The following PRKN variants were observed in gnomAD, a reference collection of about 807,000 sequenced individuals.
PRKN encodes parkin RBR E3 ubiquitin protein ligase, also known as E3 ubiquitin-protein ligase parkin.
A neutral mutation model predicts 59.5 loss-of-function variants in PRKN; 56 were observed. That is an observed-to-expected ratio of 0.94 (90% confidence interval 0.76 to 1.18). The LOEUF (loss-of-function observed/expected upper bound fraction) is 1.18, where lower values mean the gene tolerates loss of function less well. PRKN is among the 50% of genes most tolerant of loss of function. The pLI is 0.00. For synonymous variants in PRKN, 250 were observed against 222.1 expected (o/e 1.13, Z -1.12); for missense variants, 657 against 596.4 (o/e 1.10, Z -1.06).
chr6:161,782,589 C>A (rs1270201316), intron 7 of PRKN, among the ~76,000 whole-genome samples: 2 of 152,026 alleles, frequency 1.3e-5, no homozygotes, highest in African/African-American at 4.8e-5. Flanking sequence ...TATGAAAACA[C>A]AATAAATTTA....
chr6:161,966,832 T>G (rs1052303713), intron 6 of PRKN, among the ~76,000 whole-genome samples: 1 of 152,184 alleles, frequency 6.6e-6, no homozygotes, highest in African/African-American at 2.4e-5. Flanking sequence ...ATATTTTGTT[T>G]GTTTGTTTGT....
intron 4 of PRKN, among the ~76,000 whole-genome samples, chr6:162,138,327 G>T (rs1470075497): frequency 2.0e-5 from 3 of 152,054 alleles, no homozygotes; most frequent in Non-Finnish European, 4.4e-5. Context: ...ATCATGGTGG[G>T]GCTAAATTAC....
At chr6:162,698,296 T>C (rs960295922) in intron 1 of PRKN, among the ~76,000 whole-genome samples, 2 of 61,650 alleles carry the variant, frequency 3.2e-5, no homozygotes, top group African/African-American at 5.2e-5. Flanking sequence ...ACCACTACAC[T>C]TCCCAACTTC....
chr6:162,050,001 T>C (rs1562483584), intron 5 of PRKN, among the ~76,000 whole-genome samples: 1 of 152,180 alleles, frequency 6.6e-6, no homozygotes, highest in Non-Finnish European at 1.5e-5. Context: ...CTTAGTACAT[T>C]TTGAATCCGT....
At chr6:161,944,084 CCAGCCTGAGGGATCAGCCTGAGGAAT>C (rs1779689714) in intron 6 of PRKN, among the ~76,000 whole-genome samples, 2 of 115,848 alleles carry the variant, frequency 1.7e-5, no homozygotes, top group African/African-American at 7.6e-5. Context: ...GCCTGAGGGA[CCAGCCTGAGGGATCAGCCTGAGGAAT>C]CAGCCTGAGG....
rs575866364 is a variant in PRKN, at chr6:162,309,811, G to T, written c.172-47046C>A. The stretch of plus-strand genomic sequence containing the variant: ...GCTGTACAGATTACTTCATCACCCA[G>T]GTATTAAGCCAAGTATCTATTAGTT... On this transcript the variant is annotated intron_variant, in intron 2 of 11. Transcript: ENST00000366898. Among the ~76,000 whole-genome samples the T allele has an allele frequency of 3.9e-5, 6 of 152,154 alleles. No individual in the cohort carries two copies. In the South Asian group the frequency reaches 1.2e-3, roughly 32 times the overall value.
intron 3 of PRKN, among the ~76,000 whole-genome samples, chr6:162,251,476 T>A (rs1300089178): frequency 6.6e-6 from 1 of 152,112 alleles, no homozygotes; most frequent in Non-Finnish European, 1.5e-5. Flanking sequence ...TGAGTTACAG[T>A]CTCCAAGCAG....
intron 1 of PRKN, among the ~76,000 whole-genome samples, chr6:162,579,821 T>C (rs185424479): frequency 2.6e-5 from 4 of 152,308 alleles, no homozygotes; most frequent in Non-Finnish European, 5.9e-5. Context: ...ATTGGGCTTA[T>C]ATTGTAACTA....
At chr6:161,754,849 C>A (rs753023349) in intron 7 of PRKN, among the ~76,000 whole-genome samples, 1 of 152,186 alleles carries the variant, frequency 6.6e-6, no homozygotes, top group Admixed American at 6.5e-5. Context: ...CATTTAGCCT[C>A]TTTAGTGTGT....
intron 1 of PRKN, among the ~76,000 whole-genome samples, chr6:162,688,231 G>A (rs532482012): frequency 6.6e-6 from 1 of 152,086 alleles, no homozygotes; most frequent in Admixed American, 6.5e-5. Flanking sequence ...TCTATATAAC[G>A]TTCAAGAACA....
At chr6:162,018,121 G>A (rs887244709) in intron 5 of PRKN, among the ~76,000 whole-genome samples, 2 of 152,144 alleles carry the variant, frequency 1.3e-5, no homozygotes, top group Non-Finnish European at 2.9e-5. Context: ...CCACCTCCTG[G>A]GTTCACGCCA....
chr6:162,547,757 T>C (rs1373991424), intron 1 of PRKN, among the ~76,000 whole-genome samples: 1 of 151,990 alleles, frequency 6.6e-6, no homozygotes. Context: ...ATTTTTGTAT[T>C]TTTAGTAGAG....
chr6:161,741,879 A>T (rs1019129933), intron 7 of PRKN, among the ~76,000 whole-genome samples: 6 of 152,284 alleles, frequency 3.9e-5, no homozygotes, highest in Non-Finnish European at 7.4e-5. Flanking sequence ...TAATTGAATC[A>T]TGGGGGTGGT....
At chr6:161,901,119 T>C (rs1039851026) in intron 6 of PRKN, among the ~76,000 whole-genome samples, 35 of 151,894 alleles carry the variant, frequency 2.3e-4, no homozygotes, top group Non-Finnish European at 8.8e-5. Context: ...GGTTTTGCCA[T>C]GTTAGCCAGG....
At chr6:162,235,994 AAAGAAAG>A (rs1778685580) in intron 3 of PRKN, among the ~76,000 whole-genome samples, 1 of 130,918 alleles carries the variant, frequency 7.6e-6, no homozygotes, top group African/African-American at 3.0e-5. Flanking sequence ...AGAAAGAAAG[AAAGAAAG>A]AAAGAAAGAA....
At chr6:161,492,714 G>C (rs751490005) in intron 9 of PRKN, among the ~76,000 whole-genome samples, 24 of 152,216 alleles carry the variant, frequency 1.6e-4, no homozygotes, top group Non-Finnish European at 2.5e-4. Flanking sequence ...CTTCTTGCTA[G>C]CATGGAAAGT....
Position 161,432,708 on chromosome 6 carries a change from C to CT in PRKN, c.1084-45832dup, listed in dbSNP as rs368214369. ...CTGATTTTAGCTATTGGTGTGAAGA[C>CT]TGAGTTTGTTAAATATTTTACCTTT... On this transcript the variant is annotated intron_variant, in intron 9 of 11. Coordinates refer to ENST00000366898, the MANE Select transcript of PRKN (RefSeq NM_004562.3). Among the ~76,000 whole-genome samples the CT allele has an allele frequency of 1.0e-3, 159 of 151,904 alleles. 2 individuals are homozygous for CT. Among genetic ancestry groups the CT allele is most frequent in the African/African-American group, 3.7e-3 (153 of 41,382 alleles).
intron 6 of PRKN, among the ~76,000 whole-genome samples, chr6:161,963,597 C>A (rs549874199): frequency 1.3e-5 from 2 of 152,340 alleles, no homozygotes; most frequent in African/African-American, 4.8e-5. Flanking sequence ...TTGGACATTT[C>A]CCCTTATTTC....
intron 7 of PRKN, among the ~76,000 whole-genome samples, chr6:161,712,448 C>T (rs1786789154): frequency 1.3e-5 from 2 of 152,150 alleles, no homozygotes; most frequent in Non-Finnish European, 2.9e-5. Context: ...CCTTTCCATC[C>T]AGTATTAGAA....
Sources: gnomAD v4.1 joint callset for allele counts (sites outside exome capture counted in the v4.1 genomes callset) on GRCh38, gnomAD v4.1.1 for gene constraint, MANE v1.5 for transcripts, NCBI Gene and HGNC (gene_info 2026-07-23, HGNC 2026-07-21) for gene names.